The following KLRB1 variants were observed in gnomAD, a reference collection of about 807,000 sequenced individuals.
The protein encoded by KLRB1 is killer cell lectin like receptor B1, also known as killer cell lectin-like receptor subfamily B member 1.
In KLRB1, 27 loss-of-function variants were observed where a neutral mutation model predicts 33.5. That is an observed-to-expected ratio of 0.81 (90% CI 0.59 to 1.11). The LOEUF (loss-of-function observed/expected upper bound fraction) is 1.11, where lower values mean the gene tolerates loss of function less well. KLRB1 is among the 50% of genes most tolerant of loss of function. KLRB1 has a pLI of 0.00. For synonymous variants in KLRB1, 64 were observed against 88.9 expected, an observed-to-expected ratio of 0.72 and a Z score of 1.58; for missense variants, 241 against 254.1, an observed-to-expected ratio of 0.95 and a Z score of 0.35.
At chr12:9,607,335 C>CCTTTCTTTCTTCCTTTCTTTCTTTCTTT (rs1864622244) in intron 1 of KLRB1, among the ~76,000 whole-genome samples, 7 of 65,266 alleles carry the variant, frequency 1.1e-4, no homozygotes, top group African/African-American at 2.9e-4. Flanking sequence ...CTCTTTCTTT[C>CCTTTCTTTCTTCCTTTCTTTCTTTCTTT]CTTTCTTTCT....
chr12:9,604,938 G>T (rs759386970), intron 1 of KLRB1, among the ~76,000 whole-genome samples: 2 of 151,950 alleles, frequency 1.3e-5, no homozygotes, highest in Admixed American at 1.3e-4. Context: ...TGTTGCACCC[G>T]TTAACTCGTC....
chr12:9,607,344 C>CTT (rs781444479), intron 1 of KLRB1, among the ~76,000 whole-genome samples: 1 of 42,420 alleles, frequency 2.4e-5, no homozygotes, highest in East Asian at 8.0e-4. Flanking sequence ...TCCTTTCTTT[C>CTT]TTTCTTTCTT....
In KLRB1 at chr12:9,594,648, T is replaced by C. The variant is rs1178706924; in HGVS notation, c.*626A>G. 6.6e-6 allele frequency: 1 copy of C among 151,792 alleles called. No individual in the cohort carries two copies. Among genetic ancestry groups the C allele is most frequent in the Non-Finnish European group, 1.5e-5 (1 of 68,032 alleles). The allele number at this position is 151,792 out of a possible 1,614,324, so 9.4% of individuals were successfully genotyped here. Reference sequence around the variant, plus strand: ...ATAGAAGTGGCCTAAGCAAGATGCTTTTATGCTTTTTAGACCAAGAATGAT... The same window carrying C: ...ATAGAAGTGGCCTAAGCAAGATGCTCTTATGCTTTTTAGACCAAGAATGAT... On this transcript the variant is annotated 3_prime_UTR_variant, in exon 6 of 6. Transcript: ENST00000229402.
At position 9,599,845 on chromosome 12, in the gene KLRB1, G is replaced by T; in HGVS notation, c.185-4C>A. On this transcript the variant is annotated splice_region_variant and splice_polypyrimidine_tract_variant and intron_variant, in intron 2 of 5. Coordinates refer to ENST00000229402, the MANE Select transcript of KLRB1 (RefSeq NM_002258.3). Reference sequence around the variant, plus strand: ...GATTTCTGTATTAAGGATGTCACTAGTACATAAGGAAAAACAAGAGTATTA... The same window carrying T: ...GATTTCTGTATTAAGGATGTCACTATTACATAAGGAAAAACAAGAGTATTA... The T allele has an allele frequency of 1.3e-6, 2 of 1,536,194 alleles. No homozygotes were observed. The highest frequency in any genetic ancestry group is 1.8e-6 in the Non-Finnish European group (2 of 1,109,394).
intron 1 of KLRB1, among the ~76,000 whole-genome samples, chr12:9,604,412 T>C (rs1201617880): frequency 6.7e-6 from 1 of 149,146 alleles, no homozygotes; most frequent in Non-Finnish European, 1.5e-5. Flanking sequence ...TCTCTGGTTT[T>C]GTTGACTGCC....
chr12:9,601,127 A>G (rs1472387139), intron 2 of KLRB1, among the ~76,000 whole-genome samples: 1 of 139,936 alleles, frequency 7.1e-6, no homozygotes, highest in East Asian at 2.1e-4. Flanking sequence ...ATCTAAAAGC[A>G]CAGCACTTAA....
At chr12:9,599,002 T>A (rs186127329) in intron 3 of KLRB1, among the ~76,000 whole-genome samples, 2 of 152,316 alleles carry the variant, frequency 1.3e-5, no homozygotes, top group Admixed American at 1.3e-4. Context: ...TCCCACTACT[T>A]CTCAGTTTCC....
At chr12:9,603,898 T>C (rs936148862) in intron 1 of KLRB1, among the ~76,000 whole-genome samples, 2 of 152,206 alleles carry the variant, frequency 1.3e-5, no homozygotes, top group Non-Finnish European at 2.9e-5. Context: ...AAATGTGGAA[T>C]ATTATCTATG....
chr12:9,598,347 T>A, intron 4 of KLRB1, 152 bp downstream of exon 4: 1 of 719,352 alleles, frequency 1.4e-6, no homozygotes, highest in Non-Finnish European at 2.3e-6. Flanking sequence ...ACCTTATATT[T>A]AATTATTTGT....
intron 1 of KLRB1, among the ~76,000 whole-genome samples, chr12:9,607,012 CA>C (rs1469052091): frequency 6.6e-6 from 1 of 151,596 alleles, no homozygotes; most frequent in Non-Finnish European, 1.5e-5. Flanking sequence ...CTTAGCCTAC[CA>C]AAGTGTTGGG....
At chr12:9,607,355 C>CATTTCTTTCTTTCTTTCTTTCTTT (rs1555097796) in intron 1 of KLRB1, among the ~76,000 whole-genome samples, 2 of 52,706 alleles carry the variant, frequency 3.8e-5, no homozygotes, top group African/African-American at 5.2e-5. Flanking sequence ...TTTCTTTCTT[C>CATTTCTTTCTTTCTTTCTTTCTTT]CTTTCTTTCT....
intron 2 of KLRB1, among the ~76,000 whole-genome samples, chr12:9,600,544 T>C (rs1454964035): frequency 1.3e-5 from 2 of 152,220 alleles, no homozygotes; most frequent in Non-Finnish European, 2.9e-5. Flanking sequence ...CTTTTTGTTA[T>C]GTACTAAGAA....
chr12:9,598,573 G>C lies in KLRB1; in HGVS notation c.340C>G (p.Pro114Ala), dbSNP rs932797444. The change falls in exon 4 of 6, where the codon CCT becomes GCT. Residue 114 changes from proline (P) to alanine (A), a missense_variant. Coordinates refer to ENST00000229402, the MANE Select transcript of KLRB1 (RefSeq NM_002258.3). ...CAATCAGCTAGACTGTTATTCCAAGGGTTGACAGTGTGAGAAAATAACAAG... is the reference window on the plus strand; with the variant it reads ...CAATCAGCTAGACTGTTATTCCAAGCGTTGACAGTGTGAGAAAATAACAAG... ...KCLLFSHTVN[P>A]WNNSLADCST... The C allele has an allele frequency of 1.2e-6, 2 of 1,612,954 alleles. No individual in the cohort carries two copies. Among genetic ancestry groups the C allele is most frequent in the African/African-American group, 1.3e-5 (1 of 74,800 alleles).
In KLRB1 at chr12:9,604,161, G is replaced by A. The variant is rs149221999; in HGVS notation, c.86-2562C>T. On this transcript the variant is annotated intron_variant, in intron 1 of 5. Coordinates refer to ENST00000229402, the MANE Select transcript of KLRB1 (RefSeq NM_002258.3). The stretch of plus-strand genomic sequence containing the variant: ...CTGTACTGTGTTTCTGTGGCACCAC[G>A]TGACATTAGAATTAATGAAGTTACA... Among the ~76,000 whole-genome samples the A allele has an allele frequency of 1.1e-4, 17 of 152,242 alleles. 1 individual carries two copies. The East Asian group carries it at 1.5e-3, about 14-fold the overall frequency.
Position 9,601,609 on chromosome 12 carries a change from TAAAAAG to T in KLRB1, c.86-16_86-11del, listed in dbSNP as rs769994758. 3.8e-6 allele frequency: 6 copies of T among 1,579,378 alleles called. No individual in the cohort carries two copies. Among genetic ancestry groups the T allele is most frequent in the Non-Finnish European group, 5.2e-6 (6 of 1,158,782 alleles). On this transcript the variant is annotated splice_polypyrimidine_tract_variant and intron_variant, in intron 1 of 5. Coordinates refer to ENST00000229402, the MANE Select transcript of KLRB1 (RefSeq NM_002258.3). ...GAACCCTGACAGACATCTGAAAAGT[TAAAAAG>T]AAAAACACAAAAACAAACAAACAAA... is the stretch of plus-strand genomic sequence containing the variant.
In KLRB1 at chr12:9,607,889, A is replaced by C; in HGVS notation, c.-50T>G. ...AACTTGTGTGTAAGAACAAACTCTCAATTCTGTGAGGCAAAATCAGCAAAA... is the reference window on the plus strand; with the variant it reads ...AACTTGTGTGTAAGAACAAACTCTCCATTCTGTGAGGCAAAATCAGCAAAA... On this transcript the variant is annotated 5_prime_UTR_variant, in exon 1 of 6. The change creates a new upstream start codon in the 5' untranslated region. Coordinates refer to ENST00000229402, the MANE Select transcript of KLRB1 (RefSeq NM_002258.3). 42 of 1,319,418 alleles carry C rather than the reference A, an allele frequency of 3.2e-5. No individual in the cohort carries two copies. Among genetic ancestry groups the C allele is most frequent in the Non-Finnish European group, 3.9e-5 (36 of 912,824 alleles). 81.7% of individuals were successfully genotyped at this position (1,319,418 alleles called of 1,614,324 possible).
chr12:9,596,037 C>T (rs1591655390), intron 5 of KLRB1, among the ~76,000 whole-genome samples: 1 of 152,108 alleles, frequency 6.6e-6, no homozygotes, highest in Non-Finnish European at 1.5e-5. Flanking sequence ...AGACATGAGT[C>T]CTGTGGCTCA....
intron 3 of KLRB1, among the ~76,000 whole-genome samples, chr12:9,599,146 G>C (rs182221442): frequency 1.9e-4 from 29 of 152,130 alleles, no homozygotes; most frequent in African/African-American, 7.0e-4. Context: ...AAATACCATG[G>C]AGAAAAAATT....
chr12:9,603,346 T>C (rs766074943), intron 1 of KLRB1, among the ~76,000 whole-genome samples: 1 of 152,304 alleles, frequency 6.6e-6, no homozygotes, highest in East Asian at 1.9e-4. Context: ...TCCCCACCGT[T>C]TTCTTCCTTG....
Sources: gnomAD v4.1 joint callset for allele counts (sites outside exome capture counted in the v4.1 genomes callset) on GRCh38, gnomAD v4.1.1 for gene constraint, MANE v1.5 for transcripts, NCBI Gene and HGNC (gene_info 2026-07-23, HGNC 2026-07-21) for gene names.